Variants in SAMTOR observed in about 807,000 individuals in gnomAD.
SAMTOR encodes the protein UPF0532 protein C7orf60.
chr7:112,929,078 A>G, the SAMTOR span, among the ~76,000 whole-genome samples: 2 of 151,994 alleles, frequency 1.3e-5, no homozygotes, highest in African/African-American at 4.8e-5. Context: ...TTTTTTCTCA[A>G]TAACTCTATC....
chr7:112,879,922 C>A, the SAMTOR span, among the ~76,000 whole-genome samples: 1 of 152,014 alleles, frequency 6.6e-6, no homozygotes, highest in Non-Finnish European at 1.5e-5. Flanking sequence ...GTCTAGTTAA[C>A]CTTTTAAATT....
chr7:112,834,533 A>T, the SAMTOR span, among the ~76,000 whole-genome samples: 2 of 152,200 alleles, frequency 1.3e-5, no homozygotes, highest in African/African-American at 4.8e-5. Flanking sequence ...AGAAAATTCC[A>T]GAAATAAACC....
chr7:112,915,382 C>A, the SAMTOR span: 1 of 1,613,546 alleles, frequency 6.2e-7, no homozygotes, highest in Non-Finnish European at 8.5e-7. Context: ...TTCATTGCAA[C>A]GGCATATTCA....
At chr7:112,883,612 A>G in the SAMTOR span, among the ~76,000 whole-genome samples, 5 of 152,206 alleles carry the variant, frequency 3.3e-5, no homozygotes, top group African/African-American at 9.6e-5. Context: ...GACTACTGGT[A>G]ATGCTTCTTA....
chr7:112,915,348 G>C, the SAMTOR span: 3 of 1,612,700 alleles, frequency 1.9e-6, no homozygotes, highest in Non-Finnish European at 8.5e-7. Context: ...ACAAGTTTTT[G>C]CCCAATGATT....
At chr7:112,854,509 A>G in the SAMTOR span, among the ~76,000 whole-genome samples, 1 of 152,188 alleles carries the variant, frequency 6.6e-6, no homozygotes, top group Non-Finnish European at 1.5e-5. Context: ...AGAATTAATG[A>G]TTTATATCTG....
the SAMTOR span, among the ~76,000 whole-genome samples, chr7:112,913,977 A>G: frequency 2.6e-5 from 4 of 152,228 alleles, no homozygotes; most frequent in African/African-American, 9.6e-5. Context: ...CGTAAGCTCT[A>G]TGAGAGCAAG....
chr7:112,909,013 G>C, the SAMTOR span, among the ~76,000 whole-genome samples: 1 of 152,134 alleles, frequency 6.6e-6, no homozygotes, highest in Admixed American at 6.5e-5. Context: ...GCAAATGACC[G>C]TAACAACTGC....
the SAMTOR span, among the ~76,000 whole-genome samples, chr7:112,903,895 A>C: frequency 3.9e-5 from 6 of 152,306 alleles, no homozygotes; most frequent in African/African-American, 1.4e-4. Context: ...CTGGAAGATA[A>C]ACTTCATCTA....
the SAMTOR span, among the ~76,000 whole-genome samples, chr7:112,918,049 C>G: frequency 6.6e-6 from 1 of 152,118 alleles, no homozygotes; most frequent in African/African-American, 2.4e-5. Context: ...GAGAACTTCC[C>G]CAATCTAGCA....
At chr7:112,922,947 C>G in the SAMTOR span, among the ~76,000 whole-genome samples, 3 of 151,656 alleles carry the variant, frequency 2.0e-5, no homozygotes, top group Non-Finnish European at 4.4e-5. Context: ...AGGAGCCCCT[C>G]TGCCCGGCCA....
the SAMTOR span, among the ~76,000 whole-genome samples, chr7:112,847,853 A>G: frequency 2.2e-4 from 33 of 152,334 alleles, no homozygotes; most frequent in African/African-American, 7.5e-4. Context: ...AAATATGAGT[A>G]TAGGCCAGGT....
At chr7:112,898,428 G>C in the SAMTOR span, among the ~76,000 whole-genome samples, 1 of 152,078 alleles carries the variant, frequency 6.6e-6, no homozygotes, top group Non-Finnish European at 1.5e-5. Flanking sequence ...GAAGAGTATA[G>C]GAGACTTTGC....
chr7:112,898,868 G>C, the SAMTOR span, among the ~76,000 whole-genome samples: 1 of 152,208 alleles, frequency 6.6e-6, no homozygotes, highest in African/African-American at 2.4e-5. Flanking sequence ...AGTGTACCTG[G>C]GCTTAGAGTG....
the SAMTOR span, among the ~76,000 whole-genome samples, chr7:112,881,844 G>A: frequency 6.6e-6 from 1 of 152,132 alleles, no homozygotes; most frequent in African/African-American, 2.4e-5. Context: ...AAAGAACTAG[G>A]GACCCACCCA....
the SAMTOR span, among the ~76,000 whole-genome samples, chr7:112,848,222 T>C: frequency 6.6e-6 from 1 of 152,174 alleles, no homozygotes; most frequent in Non-Finnish European, 1.5e-5. Flanking sequence ...ATTATAAATA[T>C]ATAGCTATTG....
the SAMTOR span, among the ~76,000 whole-genome samples, chr7:112,861,702 A>G: frequency 3.7e-4 from 57 of 152,316 alleles, no homozygotes; most frequent in African/African-American, 1.3e-3. Context: ...TTCATTAAAT[A>G]TAAGTCAGCT....
At chr7:112,886,312 C>T in the SAMTOR span, among the ~76,000 whole-genome samples, 2 of 152,108 alleles carry the variant, frequency 1.3e-5, no homozygotes, top group Admixed American at 6.5e-5. Flanking sequence ...ATACTTAATG[C>T]TAGTGAGTTT....
chr7:112,832,241 C>T, the SAMTOR span, among the ~76,000 whole-genome samples: 485 of 152,182 alleles, frequency 3.2e-3, 1 homozygote, highest in Non-Finnish European at 6.0e-3. Context: ...TCTCAAACTC[C>T]TGACCTCAGG....
Sources: allele counts gnomAD v4.1 joint callset (sites outside exome capture counted in the v4.1 genomes callset), GRCh38; gene constraint gnomAD v4.1.1; transcripts MANE v1.5; gene names NCBI Gene and HGNC (gene_info 2026-07-23, HGNC 2026-07-21).